Variants in ILDR2 observed in about 807,000 individuals in gnomAD.
ILDR2 encodes the protein immunoglobulin-like domain-containing receptor 2.
ILDR2 carries 25 observed loss-of-function variants against 66.8 expected under a neutral mutation model. The observed-to-expected ratio is 0.37, with a 90% confidence interval of 0.27 to 0.52. The LOEUF is 0.52. Among genes scored for constraint, ILDR2 ranks in the 20% least tolerant of loss-of-function variants. The pLI is 0.88. For synonymous variants in ILDR2, 367 were observed against 357.2 expected (o/e 1.03, Z -0.31); for missense variants, 827 against 876.8 (o/e 0.94, Z 0.72).
intron 1 of ILDR2, among the ~76,000 whole-genome samples, chr1:166,971,979 A>C (rs1429471190): frequency 1.3e-5 from 2 of 152,188 alleles, no homozygotes; most frequent in African/African-American, 4.8e-5. Context: ...TGGAAGGCCA[A>C]GGAGGGCATA....
intron 9 of ILDR2, 165 bp downstream of exon 9, chr1:166,920,542 G>A: frequency 2.6e-6 from 1 of 382,022 alleles, no homozygotes; most frequent in Non-Finnish European, 3.6e-6. Context: ...AAAGCCCCCG[G>A]CCTAGCATCC....
At chr1:166,902,229 A>G (rs1016422045) in intron 2 of ILDR2, among the ~76,000 whole-genome samples, 8 of 152,228 alleles carry the variant, frequency 5.3e-5, no homozygotes, top group Non-Finnish European at 1.2e-4. Flanking sequence ...TCTGTCTGCC[A>G]AGGCTGCACA....
intron 1 of ILDR2, among the ~76,000 whole-genome samples, chr1:166,961,959 T>TACACATGTATACATGTAC (rs1662645217): frequency 1.3e-5 from 2 of 152,184 alleles, no homozygotes; most frequent in African/African-American, 4.8e-5. Flanking sequence ...CACACATGCA[T>TACACATGTATACATGTAC]ACACATGTAT....
chr1:166,903,680 T>C (rs934257044), downstream of ILDR2, among the ~76,000 whole-genome samples: 2 of 152,196 alleles, frequency 1.3e-5, no homozygotes, highest in Non-Finnish European at 2.9e-5. Flanking sequence ...CTAGGTGATG[T>C]TGGGGGCCCC....
chr1:166,953,765 C>T lies in ILDR2; in HGVS notation c.499+2968G>A, dbSNP rs143594531. ...TATTCATCAAGGGAGTCACATCAAT[C>T]ATGTTCATCTACTTTTTAAACCAAG... On this transcript the variant is annotated intron_variant, in intron 3 of 9. Coordinates refer to ENST00000271417, the MANE Select transcript of ILDR2 (RefSeq NM_199351.3). 6.2e-3 allele frequency among the ~76,000 whole-genome samples: 944 copies of T among 152,328 alleles called. 9 individuals carry two copies. The highest frequency in any genetic ancestry group is 0.021 in the African/African-American group (875 of 41,588).
intron 9 of ILDR2, 32 bp from the exon 10 acceptor site, chr1:166,919,422 G>C (rs772744417): frequency 7.2e-5 from 115 of 1,587,022 alleles, no homozygotes; most frequent in Non-Finnish European, 9.5e-5. Flanking sequence ...CCAACATTAA[G>C]CCACATGCTA....
intron 3 of ILDR2, among the ~76,000 whole-genome samples, chr1:166,953,049 CAT>C (rs1662076410): frequency 6.6e-6 from 1 of 152,142 alleles, no homozygotes; most frequent in Admixed American, 6.5e-5. Context: ...CTGGTAGACA[CAT>C]ATTGTTTTTT....
intron 7 of ILDR2, 25 bp downstream of exon 7, chr1:166,927,042 T>C: frequency 2.6e-6 from 4 of 1,531,920 alleles, no homozygotes; most frequent in Non-Finnish European, 3.6e-6. Flanking sequence ...AATGCACAGA[T>C]CACAGAAAAC....
chr1:166,942,973 A>G (rs1661395469), intron 3 of ILDR2, among the ~76,000 whole-genome samples: 1 of 152,216 alleles, frequency 6.6e-6, no homozygotes, highest in African/African-American at 2.4e-5. Flanking sequence ...ACAGGAAGAC[A>G]TACATCAAGC....
At chr1:166,933,589 G>A (rs4388685) in intron 6 of ILDR2, 10,568 of 961,800 alleles carry the variant, frequency 0.011, 63 homozygotes, top group Admixed American at 0.012. Context: ...AGAGAAACTG[G>A]AAAAAGACAG....
At chr1:166,907,627 A>T (rs1378742166), downstream of ILDR2, among the ~76,000 whole-genome samples, 1 of 152,260 alleles carries the variant, frequency 6.6e-6, no homozygotes, top group African/African-American at 2.4e-5. Flanking sequence ...AAGAAAGTTT[A>T]GTATCATGGG....
rs1659477004 is a variant in ILDR2, at chr1:166,911,651, G to T, written c.*7704C>A. ...TTTAAGATATTCAGATAAATAAGAG[G>T]GCATTGTAAAAAAAAAAAAAGAGTA... is the stretch of plus-strand genomic sequence containing the variant. On this transcript the variant is annotated 3_prime_UTR_variant, in exon 10 of 10. Transcript: ENST00000271417. 2 of 130,424 alleles carry T rather than the reference G, an allele frequency of 1.5e-5. No individual in the cohort carries two copies. The highest frequency in any genetic ancestry group is 5.2e-4 in the South Asian group (2 of 3,816). The allele number at this position is 130,424 out of a possible 1,614,324, so 8.1% of individuals were successfully genotyped here.
chr1:166,949,934 GA>G (rs1281290597), intron 3 of ILDR2, among the ~76,000 whole-genome samples: 2 of 152,182 alleles, frequency 1.3e-5, no homozygotes, highest in East Asian at 3.8e-4. Flanking sequence ...GTCTCTCATG[GA>G]AAACTATGGA....
chr1:166,919,093 C>T lies in ILDR2; in HGVS notation c.*262G>A, dbSNP rs147412145. On this transcript the variant is annotated 3_prime_UTR_variant, in exon 10 of 10. Transcript: ENST00000271417. Reference sequence around the variant, plus strand: ...GGGAGGAGGCTGGGCAGGATAAACGCTATAGTTGAGAAACTCTGTATGTAG... The same window carrying T: ...GGGAGGAGGCTGGGCAGGATAAACGTTATAGTTGAGAAACTCTGTATGTAG... 272 of 515,360 alleles carry T rather than the reference C, an allele frequency of 5.3e-4. 2 individuals carry two copies. The highest frequency in any genetic ancestry group is 4.3e-3 in the African/African-American group (228 of 52,436). The allele number at this position is 515,360 out of a possible 1,614,324, so 31.9% of individuals were successfully genotyped here. A position where few individuals can be genotyped will look rare whatever the true frequency, so the allele number is the denominator to read the frequency against.
At chr1:166,937,894 C>G (rs909946430) in intron 4 of ILDR2, among the ~76,000 whole-genome samples, 1 of 152,192 alleles carries the variant, frequency 6.6e-6, no homozygotes, top group Non-Finnish European at 1.5e-5. Flanking sequence ...AATATTCCTT[C>G]AATTAAATGG....
At position 166,957,891 on chromosome 1, in the gene ILDR2, T is replaced by G; in HGVS notation, c.257A>C (p.Glu86Ala). 6.2e-7 allele frequency: 1 copy of G among 1,614,144 alleles called. No individual in the cohort carries two copies. Among genetic ancestry groups the G allele is most frequent in the East Asian group, 2.2e-5 (1 of 44,876 alleles). The change falls in exon 2 of 10, where the codon GAA (glutamate) becomes GCA (alanine). Residue 86 changes from glutamate (E) to alanine (A), a missense_variant. This residue lies in a region of ILDR2 where 437 missense variants were observed against 523.2 expected (regional missense o/e 0.84). Coordinates refer to ENST00000271417, the MANE Select transcript of ILDR2 (RefSeq NM_199351.3). The stretch of plus-strand genomic sequence containing the variant: ...CAAACAATCCAAGTAGGGGTCCCAT[T>G]CCAGGTTTCTCTTGCTGAGAGATTG... ...RAQSLSKRNL[E>A]WDPYLDCLDS...
At chr1:166,896,989 C>T (rs753400204) in intron 2 of ILDR2, among the ~76,000 whole-genome samples, 6 of 152,150 alleles carry the variant, frequency 3.9e-5, no homozygotes, top group African/African-American at 7.2e-5. Flanking sequence ...ATTACATATG[C>T]AGCTTACATT....
At chr1:166,924,029 G>C (rs1393169148) in intron 7 of ILDR2, among the ~76,000 whole-genome samples, 1 of 53,558 alleles carries the variant, frequency 1.9e-5, no homozygotes, top group Non-Finnish European at 4.2e-5. Flanking sequence ...AAGAGTCCTT[G>C]GAGGAACGGG....
intron 1 of ILDR2, among the ~76,000 whole-genome samples, chr1:166,966,185 C>G (rs1344382551): frequency 1.3e-5 from 2 of 151,958 alleles, no homozygotes. Context: ...GTAGACATTG[C>G]CTTGGAATCT....
Sources: allele counts gnomAD v4.1 joint callset (sites outside exome capture counted in the v4.1 genomes callset), GRCh38; gene constraint gnomAD v4.1.1; regional missense constraint gnomAD v4.1.1; transcripts MANE v1.5; gene names NCBI Gene and HGNC (gene_info 2026-07-23, HGNC 2026-07-21).